RYR2: variants seen among roughly 807,000 people sequenced by gnomAD.
RYR2 encodes the protein ryanodine receptor 2, also known as cardiac muscle ryanodine receptor-calcium release channel.
Under a neutral mutation model 601.1 loss-of-function variants are expected in RYR2, and 227 were observed. The observed-to-expected ratio is 0.38, with a 90% CI of 0.34 to 0.42. The LOEUF (loss-of-function observed/expected upper bound fraction) is 0.42, where lower values mean the gene tolerates loss of function less well. Ranked by LOEUF, RYR2 falls within the 10% of genes least tolerant of loss-of-function variation. The probability of loss-of-function intolerance (pLI) is 1.00; values close to 1 mark genes in which losing one functional copy is unlikely to be tolerated. For synonymous variants in RYR2, 2,223 were observed against 2,175.1 expected (o/e 1.02, Z -0.61); for missense variants, 4,646 against 6,156.5 (o/e 0.75, Z 8.21).
chr1:237,749,192 C>G (rs986171717), intron 80 of RYR2, among the ~76,000 whole-genome samples: 2 of 152,118 alleles, frequency 1.3e-5, no homozygotes, highest in Non-Finnish European at 2.9e-5. Flanking sequence ...TATACAGGAG[C>G]AGATTATGTA....
chr1:237,206,234 C>A (rs1681800405), intron 1 of RYR2, among the ~76,000 whole-genome samples: 1 of 152,184 alleles, frequency 6.6e-6, no homozygotes, highest in South Asian at 2.1e-4. Context: ...GAGTCATCAC[C>A]TGAGGGCTTG....
intron 58 of RYR2, among the ~76,000 whole-genome samples, chr1:237,672,650 T>C (rs1573456849): frequency 6.6e-6 from 1 of 152,158 alleles, no homozygotes; most frequent in Non-Finnish European, 1.5e-5. Flanking sequence ...ATATAATAAA[T>C]TGTTGTTAAT....
At chr1:237,620,263 G>A (rs1172020884) in intron 38 of RYR2, among the ~76,000 whole-genome samples, 6 of 152,082 alleles carry the variant, frequency 3.9e-5, no homozygotes, top group East Asian at 1.9e-4. Context: ...CTGGTGCACC[G>A]TCAATACCAG....
At chr1:237,704,050 C>T (rs1010990434) in intron 66 of RYR2, among the ~76,000 whole-genome samples, 6 of 152,002 alleles carry the variant, frequency 3.9e-5, no homozygotes, top group African/African-American at 1.2e-4. Context: ...ACAAGGTAGT[C>T]GAGAATGTGT....
intron 24 of RYR2, among the ~76,000 whole-genome samples, chr1:237,526,130 C>T (rs996850587): frequency 6.6e-6 from 1 of 151,998 alleles, no homozygotes; most frequent in Non-Finnish European, 1.5e-5. Flanking sequence ...AATTTATGTT[C>T]CTACTAACAG....
At chr1:237,174,910 T>C (rs1459603549) in intron 1 of RYR2, among the ~76,000 whole-genome samples, 1 of 152,188 alleles carries the variant, frequency 6.6e-6, no homozygotes, top group African/African-American at 2.4e-5. Flanking sequence ...TGTATGTTGA[T>C]CAATGAAGGT....
chr1:237,634,915 C>A lies in RYR2; in HGVS notation c.6715C>A (p.Pro2239Thr). 6.2e-7 allele frequency: 1 copy of A among 1,609,468 alleles called. No individual in the cohort carries two copies. The highest frequency in any genetic ancestry group is 8.5e-7 in the Non-Finnish European group (1 of 1,177,916). ...LASPAMRGST[P>T]LDVAAASVMD... is the part of the protein sequence containing the mutation. ...CTCCCCAGCTATGAGAGGTTCAACA[C>A]CACTGGATGTGGCTGCAGCTTCGGT... Residue 2239 changes from proline (P) to threonine (T), a missense_variant, in exon 44 of 105, where the codon CCA (proline) becomes ACA (threonine). By Grantham distance (38) the Pro-to-Thr change is conservative (BLOSUM62 -1). Coordinates refer to ENST00000366574, the MANE Select transcript of RYR2 (RefSeq NM_001035.3).
intron 16 of RYR2, among the ~76,000 whole-genome samples, chr1:237,464,619 G>T (rs189830236): frequency 6.6e-6 from 1 of 152,106 alleles, no homozygotes; most frequent in East Asian, 1.9e-4. Context: ...CCCTTATCAA[G>T]ATATTTCCCC....
intron 1 of RYR2, among the ~76,000 whole-genome samples, chr1:237,103,010 C>T (rs147272444): frequency 0.011 from 1,718 of 152,062 alleles, 25 homozygotes; most frequent in African/African-American, 0.03. Context: ...TCTTATGAAA[C>T]AGAAACTCCA....
chr1:237,432,210 T>TTA (rs5781958), intron 12 of RYR2, among the ~76,000 whole-genome samples: 16,116 of 128,540 alleles, frequency 0.13, 1,056 homozygotes, highest in East Asian at 0.26. Flanking sequence ...AGGCTTTTTT[T>TTA]AAAAAAAAAT....
intron 1 of RYR2, among the ~76,000 whole-genome samples, chr1:237,186,579 A>C (rs6680857): frequency 0.35 from 53,265 of 152,004 alleles, 9,472 homozygotes; most frequent in East Asian, 0.49. Flanking sequence ...TTTGATTCCC[A>C]AGATTGAAAG....
intron 3 of RYR2, among the ~76,000 whole-genome samples, chr1:237,353,511 G>GAAAAAAAAAAAAAAA (rs61606386): frequency 1.9e-5 from 1 of 52,716 alleles, no homozygotes; most frequent in Non-Finnish European, 4.7e-5. Context: ...TCCGTCTCAA[G>GAAAAAAAAAAAAAAA]AAAAAAAAAA....
Position 237,711,844 on chromosome 1 carries a change from C to G in RYR2, c.10323+7C>G. ...CAAGTCAAAGATGTCAAAGGTATTACTATAAACTGTTTCACTGTTCTGGAA... is the reference window on the plus strand; with the variant it reads ...CAAGTCAAAGATGTCAAAGGTATTAGTATAAACTGTTTCACTGTTCTGGAA... On this transcript the variant is annotated splice_region_variant and intron_variant, in intron 71 of 104. Coordinates refer to ENST00000366574, the MANE Select transcript of RYR2 (RefSeq NM_001035.3). The G allele has an allele frequency of 8.1e-7, 1 of 1,229,580 alleles. No individual in the cohort carries two copies. Among genetic ancestry groups the G allele is most frequent in the Non-Finnish European group, 1.2e-6 (1 of 835,620 alleles). The allele number at this position is 1,229,580 out of a possible 1,614,324, so 76.2% of individuals were successfully genotyped here.
chr1:237,509,344 A>G (rs1665647552), intron 23 of RYR2, among the ~76,000 whole-genome samples: 1 of 152,210 alleles, frequency 6.6e-6, no homozygotes, highest in African/African-American at 2.4e-5. Context: ...ATTATTCTAG[A>G]TTAAGATATG....
intron 92 of RYR2, among the ~76,000 whole-genome samples, chr1:237,789,260 A>T (rs1658050306): frequency 6.6e-6 from 1 of 152,268 alleles, no homozygotes; most frequent in African/African-American, 2.4e-5. Flanking sequence ...AACCTCAATG[A>T]ACTATAGAAT....
chr1:237,697,214 A>T (rs1330787431), intron 63 of RYR2, among the ~76,000 whole-genome samples: 2 of 150,050 alleles, frequency 1.3e-5, no homozygotes, highest in Non-Finnish European at 3.0e-5. Flanking sequence ...TCTCAGATAC[A>T]TGGATGGTTT....
In RYR2 at chr1:237,617,350, C is replaced by T; in HGVS notation, c.5780C>T (p.Ala1927Val). 6.2e-7 allele frequency: 1 copy of T among 1,613,922 alleles called. No homozygotes were observed. Among genetic ancestry groups the T allele is most frequent in the South Asian group, 1.1e-5 (1 of 91,074 alleles). Residue 1927 changes from alanine (A) to valine (V), a missense_variant, in exon 38 of 105, where the codon GCC becomes GTC. Physicochemically the swap from Ala to Val is moderately conservative, Grantham distance 64. This residue lies in a region of RYR2 where 1,807 missense variants were observed against 2,088.1 expected (regional missense o/e 0.87). Transcript: ENST00000366574. ...CGGCACCGGATAGAAGCCATTGTAGCCTTTTCAGATGATTTTGTGGCTAAG... is the reference window on the plus strand; with the variant it reads ...CGGCACCGGATAGAAGCCATTGTAGTCTTTTCAGATGATTTTGTGGCTAAG... ...QVRHRIEAIV[A>V]FSDDFVAKLQ...
intron 1 of RYR2, among the ~76,000 whole-genome samples, chr1:237,230,767 A>G (rs1018114036): frequency 1.3e-5 from 2 of 152,150 alleles, no homozygotes; most frequent in African/African-American, 4.8e-5. Flanking sequence ...CCCCTCTACT[A>G]AAAGTACAAA....
intron 12 of RYR2, among the ~76,000 whole-genome samples, chr1:237,436,809 TC>T (rs1707428468): frequency 6.6e-6 from 1 of 150,714 alleles, no homozygotes; most frequent in Non-Finnish European, 1.5e-5. Flanking sequence ...AACCGCATGC[TC>T]TGTATTATAA....
Sources: allele counts gnomAD v4.1 joint callset (sites outside exome capture counted in the v4.1 genomes callset), GRCh38; gene constraint gnomAD v4.1.1; regional missense constraint gnomAD v4.1.1; transcripts MANE v1.5; gene names NCBI Gene and HGNC (gene_info 2026-07-23, HGNC 2026-07-21).